The following SPECC1L variants were observed in gnomAD, a reference collection of about 807,000 sequenced individuals.
SPECC1L encodes the protein cytospin-A.
Under a neutral mutation model 116.8 loss-of-function variants are expected in SPECC1L, and 40 were observed. The ratio of observed to expected loss-of-function variants is 0.34; its 90% CI spans 0.27 to 0.45. The LOEUF is 0.45. SPECC1L is among the 20% of genes least tolerant of loss of function. The probability of loss-of-function intolerance (pLI) is 1.00; values close to 1 mark genes in which losing one functional copy is unlikely to be tolerated. For missense variants in SPECC1L, 1,110 were observed against 1,373.6 expected (o/e 0.81, Z 3.03); for synonymous variants, 504 against 500.6 (o/e 1.01, Z -0.09).
intron 14 of SPECC1L, among the ~76,000 whole-genome samples, chr22:24,379,252 T>G (rs764425205): frequency 6.6e-6 from 1 of 151,730 alleles, no homozygotes; most frequent in Non-Finnish European, 1.5e-5. Context: ...GTAGCAATCC[T>G]CCTACCTCAG....
chr22:24,291,540 C>G (rs533841929), intron 2 of SPECC1L, among the ~76,000 whole-genome samples: 2 of 152,284 alleles, frequency 1.3e-5, no homozygotes, highest in African/African-American at 4.8e-5. Context: ...TTTAGTCATT[C>G]CTTATAAAGG....
chr22:24,380,178 C>T (rs544339384), intron 14 of SPECC1L, among the ~76,000 whole-genome samples: 1 of 152,288 alleles, frequency 6.6e-6, no homozygotes, highest in Admixed American at 6.5e-5. Flanking sequence ...GTCTGAAATG[C>T]ATAATCTTTT....
At chr22:24,371,951 C>T (rs991466730) in intron 14 of SPECC1L, among the ~76,000 whole-genome samples, 1 of 152,186 alleles carries the variant, frequency 6.6e-6, no homozygotes, top group Non-Finnish European at 1.5e-5. Flanking sequence ...GAATTCCTTA[C>T]CTCAGGTAAT....
At chr22:24,387,744 TGTA>T (rs2042187514) in intron 14 of SPECC1L, among the ~76,000 whole-genome samples, 1 of 152,226 alleles carries the variant, frequency 6.6e-6, no homozygotes, top group Admixed American at 6.5e-5. Context: ...TTACTACAAA[TGTA>T]GTAGCTAAAA....
At position 24,333,535 on chromosome 22, in the gene SPECC1L, CAT is replaced by C. The variant is rs533882739; in HGVS notation, c.2397-874_2397-873del. 3.6e-4 allele frequency among the ~76,000 whole-genome samples: 53 copies of C among 148,874 alleles called. 1 individual carries two copies. Among genetic ancestry groups the C allele is most frequent in the East Asian group, 1.8e-3 (9 of 5,130 alleles). ...CATCACACTGAGCTTCTAGGGGACTCATGTTACTAATATGGGTCTAGGCTTTT... is the reference window on the plus strand; with the variant it reads ...CATCACACTGAGCTTCTAGGGGACTCGTTACTAATATGGGTCTAGGCTTTT... On this transcript the variant is annotated intron_variant, in intron 8 of 16. Coordinates refer to ENST00000314328, the MANE Select transcript of SPECC1L (RefSeq NM_015330.6).
chr22:24,390,096 A>G (rs1369286221), intron 14 of SPECC1L, among the ~76,000 whole-genome samples: 9 of 151,726 alleles, frequency 5.9e-5, no homozygotes, highest in Non-Finnish European at 1.2e-4. Context: ...CCAGCCTTGA[A>G]GGGGAATGTT....
intron 14 of SPECC1L, among the ~76,000 whole-genome samples, chr22:24,409,051 C>T (rs1026996080): frequency 6.6e-6 from 1 of 152,202 alleles, no homozygotes; most frequent in African/African-American, 2.4e-5. Flanking sequence ...GAGCCAGGTC[C>T]CTGACTTGGT....
chr22:24,336,709 TG>T (rs1471633318), intron 9 of SPECC1L, among the ~76,000 whole-genome samples: 1 of 152,212 alleles, frequency 6.6e-6, no homozygotes, highest in Non-Finnish European at 1.5e-5. Context: ...TTCATACTAA[TG>T]TTTTTTAAAA....
intron 13 of SPECC1L, among the ~76,000 whole-genome samples, chr22:24,365,876 C>T (rs1172207715): frequency 6.9e-6 from 1 of 145,528 alleles, no homozygotes; most frequent in African/African-American, 2.6e-5. Context: ...AGAATGGTTG[C>T]ATGCAAAACG....
At chr22:24,275,255 C>T (rs548496295) in intron 1 of SPECC1L, among the ~76,000 whole-genome samples, 36 of 152,346 alleles carry the variant, frequency 2.4e-4, no homozygotes, top group African/African-American at 8.4e-4. Flanking sequence ...GTGCTGGGCA[C>T]GGCAGTGTTA....
At chr22:24,379,390 GA>G (rs528643869) in intron 14 of SPECC1L, among the ~76,000 whole-genome samples, 4,471 of 144,306 alleles carry the variant, frequency 0.031, 90 homozygotes, top group African/African-American at 0.062. Context: ...CGAGAAAAAA[GA>G]AAAAAAAAAA....
intron 14 of SPECC1L, among the ~76,000 whole-genome samples, chr22:24,385,608 G>A (rs556147942): frequency 6.1e-4 from 93 of 152,270 alleles, no homozygotes; most frequent in African/African-American, 1.7e-3. Context: ...GAGATTGTCC[G>A]TAATGATAAA....
At chr22:24,381,753 A>G (rs1205754891) in intron 14 of SPECC1L, among the ~76,000 whole-genome samples, 1 of 152,040 alleles carries the variant, frequency 6.6e-6, no homozygotes, top group African/African-American at 2.4e-5. Context: ...GCGTGGTGGC[A>G]GGCGCCTGTA....
At chr22:24,379,530 T>C (rs758000180) in intron 14 of SPECC1L, among the ~76,000 whole-genome samples, 52 of 152,168 alleles carry the variant, frequency 3.4e-4, no homozygotes, top group South Asian at 6.2e-4. Flanking sequence ...TAGAGAGAAA[T>C]ATATATACAT....
chr22:24,339,815 C>G (rs957364054), intron 10 of SPECC1L, among the ~76,000 whole-genome samples: 3 of 152,176 alleles, frequency 2.0e-5, no homozygotes, highest in Non-Finnish European at 2.9e-5. Context: ...CGGGGTCTCC[C>G]TCTGTCACCC....
intron 2 of SPECC1L, among the ~76,000 whole-genome samples, chr22:24,294,157 C>G (rs2049210757): frequency 1.1e-5 from 1 of 93,772 alleles, no homozygotes; most frequent in Non-Finnish European, 2.1e-5. Context: ...TTCAGTTGAA[C>G]CTGTGTTTAC....
intron 14 of SPECC1L, among the ~76,000 whole-genome samples, chr22:24,370,696 G>A (rs2041855533): frequency 6.6e-6 from 1 of 152,160 alleles, no homozygotes. Context: ...ATAGAAGAAT[G>A]GATAAACAAC....
In SPECC1L at chr22:24,327,052, G is replaced by A. The variant is rs5760344; in HGVS notation, c.2147-1794G>A. Among the ~76,000 whole-genome samples the A allele has an allele frequency of 5.3e-5, 8 of 152,056 alleles. No individual in the cohort carries two copies. In the East Asian group the frequency reaches 1.4e-3, roughly 26 times the overall value. On this transcript the variant is annotated intron_variant, in intron 6 of 16. Coordinates refer to ENST00000314328, the MANE Select transcript of SPECC1L (RefSeq NM_015330.6). ...CCTAGCACTTTGGGAGGCCGAGGCG[G>A]GTGGATCATGAGGTCAGGAGTTCAA...
At chr22:24,385,134 G>A (rs1427271045) in intron 14 of SPECC1L, among the ~76,000 whole-genome samples, 1 of 151,064 alleles carries the variant, frequency 6.6e-6, no homozygotes, top group Non-Finnish European at 1.5e-5. Flanking sequence ...ATTACATGTT[G>A]AAATGATCAT....
Sources: allele counts gnomAD v4.1 joint callset (sites outside exome capture counted in the v4.1 genomes callset), GRCh38; gene constraint gnomAD v4.1.1; transcripts MANE v1.5; gene names NCBI Gene and HGNC (gene_info 2026-07-23, HGNC 2026-07-21).